The following MASTL variants were observed in gnomAD, a reference collection of about 807,000 sequenced individuals.
MASTL encodes the protein serine/threonine-protein kinase greatwall.
In MASTL, 54 loss-of-function variants were observed where a neutral mutation model predicts 82.5. The observed-to-expected ratio is 0.65, with a 90% confidence interval of 0.53 to 0.82. MASTL has a LOEUF of 0.82. Among genes scored for constraint, MASTL ranks in the 40% least tolerant of loss-of-function variants. The pLI, the probability that MASTL is intolerant of heterozygous loss-of-function variation, is 0.00. For missense variants in MASTL, 950 were observed against 1,047.8 expected (o/e 0.91, Z 1.29); for synonymous variants, 323 against 368.9 (o/e 0.88, Z 1.43).
intron 7 of MASTL, among the ~76,000 whole-genome samples, chr10:27,169,041 GA>G (rs909770342): frequency 2.6e-5 from 4 of 151,056 alleles, no homozygotes; most frequent in Non-Finnish European, 5.9e-5. Context: ...TTGGAATTCA[GA>G]AAAAAAAATC....
chr10:27,159,658 C>T lies in MASTL; in HGVS notation c.364C>T (p.Leu122=). ...YLIGGDVKSL[L]HIYGYFDEEM... ...TATTGGGGGAGATGTCAAGTCTCTC[C>T]TACATATATATGGTTATTTTGATGA... The change falls in exon 3 of 12, where the codon CTA becomes TTA. Residue 122 remains leucine (L), a synonymous_variant. Transcript: ENST00000375940. This position sits in a 1 kb window ranked among gnomAD's most constrained non-coding sequence, Gnocchi z 4.0. 2.5e-6 allele frequency: 4 copies of T among 1,569,054 alleles called. No homozygotes were observed. The highest frequency in any genetic ancestry group is 2.6e-6 in the Non-Finnish European group (3 of 1,139,248).
rs1209307742 is a variant in MASTL at position 27,170,470 on chromosome 10, C to T, written c.1511C>T (p.Ala504Val). The T allele has an allele frequency of 6.2e-7, 1 of 1,614,014 alleles. No individual in the cohort carries two copies. The highest frequency in any genetic ancestry group is 8.5e-7 in the Non-Finnish European group (1 of 1,179,980). Reference sequence around the variant, plus strand: ...CACAAAAGTCAACAAAATGACTGTGCTAATAAGGAGAACATTGTCAATTCT... The same window carrying T: ...CACAAAAGTCAACAAAATGACTGTGTTAATAAGGAGAACATTGTCAATTCT... ...SVHKSQQNDC[A>V]NKENIVNSFT... The change falls in exon 8 of 12, where the codon GCT becomes GTT. Residue 504 changes from alanine to valine, a missense_variant. By Grantham distance (64) the Ala-to-Val change is moderately conservative (BLOSUM62 0). Transcript: ENST00000375940.
intron 4 of MASTL, 57 bp downstream of exon 4, chr10:27,161,239 G>T: frequency 2.0e-6 from 2 of 997,988 alleles, no homozygotes; most frequent in Non-Finnish European, 3.2e-6. Flanking sequence ...CAGGCGTGGT[G>T]GCTCACACCT....
upstream of MASTL, chr10:27,155,279 G>C (rs1024417025): frequency 2.4e-5 from 18 of 754,164 alleles, no homozygotes; most frequent in Admixed American, 8.1e-5. Flanking sequence ...CCGCGTCTGC[G>C]TAGGGGAGGT....
Position 27,159,637 on chromosome 10 carries a change from G to C in MASTL, c.343G>C (p.Gly115Arg), listed in dbSNP as rs766608013. 6.5e-7 allele frequency: 1 copy of C among 1,530,070 alleles called. No individual in the cohort carries two copies. Among genetic ancestry groups the C allele is most frequent in the South Asian group, 1.1e-5 (1 of 89,126 alleles). The allele number at this position is 1,530,070 out of a possible 1,614,324, so 94.8% of individuals were successfully genotyped here. A position where few individuals can be genotyped will look rare whatever the true frequency, so the allele number is the denominator to read the frequency against. The stretch of plus-strand genomic sequence containing the variant: ...TTGAAAGGTAATGGAATATCTTATT[G>C]GGGGAGATGTCAAGTCTCTCCTACA... ...NVYLVMEYLI[G>R]GDVKSLLHIY... The change falls in exon 3 of 12, where the codon GGG becomes CGG. Residue 115 changes from glycine (G) to arginine (R), a missense_variant. Transcript: ENST00000375940. This position sits in a 1 kb window ranked among gnomAD's most constrained non-coding sequence, Gnocchi z 4.0.
Position 27,169,970 on chromosome 10 carries a change from AATG to A in MASTL, c.1016_1018del (p.Met339del). Reference sequence around the variant, plus strand: ...AAAGTGATGAAGCATTGGGCCCAACAATGATGAGTTGGAATGCAGTTGAAAAGT... The same window carrying A: ...AAAGTGATGAAGCATTGGGCCCAACAATGAGTTGGAATGCAGTTGAAAAGT... On this transcript the variant is annotated inframe_deletion, in exon 8 of 12. Transcript: ENST00000375940. 1 of 1,614,134 alleles carries A rather than the reference AATG, an allele frequency of 6.2e-7. No individual in the cohort carries two copies. Among genetic ancestry groups the A allele is most frequent in the Non-Finnish European group, 8.5e-7 (1 of 1,180,016 alleles).
chr10:27,181,601 C>A lies in MASTL; in HGVS notation c.2482+20C>A. The A allele has an allele frequency of 6.5e-7, 1 of 1,531,642 alleles. No individual in the cohort carries two copies. Among genetic ancestry groups the A allele is most frequent in the Non-Finnish European group, 9.0e-7 (1 of 1,107,088 alleles). 94.9% of individuals were successfully genotyped at this position (1,531,642 alleles called of 1,614,324 possible). On this transcript the variant is annotated intron_variant, in intron 11 of 11. Transcript: ENST00000375940. ...TGAAAGGTATGGTTTTGTGTTAATACATTGTTTTACCATTGATTTTTTGCA... is the reference window on the plus strand; with the variant it reads ...TGAAAGGTATGGTTTTGTGTTAATAAATTGTTTTACCATTGATTTTTTGCA...
At chr10:27,155,727 T>TCAGCAAGCCAG in intron 1 of MASTL, 115 bp downstream of exon 1, 1 of 1,177,056 alleles carries the variant, frequency 8.5e-7, no homozygotes, top group Non-Finnish European at 1.2e-6. Context: ...TGGCCTGGCT[T>TCAGCAAGCCAG]GCTGAAGCCT....
At chr10:27,161,001 G>T in intron 3 of MASTL, 93 bp from the exon 4 acceptor site, 1 of 833,670 alleles carries the variant, frequency 1.2e-6, no homozygotes, top group South Asian at 1.4e-5. Flanking sequence ...AATAAATAGG[G>T]TTTGCCTCCT....
At position 27,187,480 on chromosome 10, in the gene MASTL, G is replaced by A. The variant is rs1054651354; in HGVS notation, c.*944G>A. ...TAAAATGGTACTGGAGGACGGGTGC[G>A]ATGGCTCATGCCTGTAATCCCGGCA... On this transcript the variant is annotated 3_prime_UTR_variant, in exon 12 of 12. Transcript: ENST00000375940. Among the ~76,000 whole-genome samples the A allele has an allele frequency of 6.6e-6, 1 of 152,080 alleles. No individual in the cohort carries two copies. The highest frequency in any genetic ancestry group is 1.5e-5 in the Non-Finnish European group (1 of 68,004).
rs1470478197 is a variant in MASTL at position 27,155,585 on chromosome 10, G to C, written c.159G>C (p.Gln53His). Residue 53 changes from glutamine (Q) to histidine (H), a missense_variant, in exon 1 of 12, where the codon CAG becomes CAC. Physicochemically the swap from Gln to His is conservative, Grantham distance 24 (BLOSUM62 0). Coordinates refer to ENST00000375940, the MANE Select transcript of MASTL (RefSeq NM_001172303.3). ...CCTTCGGGAAAGTGTATCTGGGGCA[G>C]AAAGGCGGCAAATTGTATGCAGTAA... ...RGAFGKVYLG[Q>H]KGGKLYAVKV... 1 of 1,614,244 alleles carries C rather than the reference G, an allele frequency of 6.2e-7. No individual in the cohort carries two copies.
At chr10:27,186,168 C>T (rs1280382470) in intron 11 of MASTL, among the ~76,000 whole-genome samples, 5 of 152,168 alleles carry the variant, frequency 3.3e-5, no homozygotes, top group Admixed American at 1.3e-4. Context: ...ACAAACCAGG[C>T]ACCTGTCATA....
At chr10:27,160,567 A>T (rs902659724) in intron 3 of MASTL, among the ~76,000 whole-genome samples, 1 of 151,812 alleles carries the variant, frequency 6.6e-6, no homozygotes, top group Non-Finnish European at 1.5e-5. Context: ...AGTGGACAAC[A>T]TGGTGAAACC....
chr10:27,166,747 G>C (rs1378613911), intron 6 of MASTL, among the ~76,000 whole-genome samples: 1 of 152,140 alleles, frequency 6.6e-6, no homozygotes. Flanking sequence ...GATGACAGAG[G>C]GAGATCCTGC....
In MASTL at chr10:27,170,697, G is replaced by C. The variant is rs1209153448; in HGVS notation, c.1738G>C (p.Glu580Gln). The change falls in exon 8 of 12, where the codon GAA (glutamate) becomes CAA (glutamine). Residue 580 changes from glutamate (E) to glutamine (Q), a missense_variant. Glu to Gln is a conservative substitution (Grantham distance 29). Transcript: ENST00000375940. ...DSSFPGISIM[E>Q]SPLESQPLDS... The stretch of plus-strand genomic sequence containing the variant: ...ATCTTTTCCTGGAATTTCTATAATG[G>C]AAAGTCCATTAGAAAGTCAGCCCTT... 1 of 1,612,998 alleles carries C rather than the reference G, an allele frequency of 6.2e-7. No homozygotes were observed. The highest frequency in any genetic ancestry group is 8.5e-7 in the Non-Finnish European group (1 of 1,179,780).
Position 27,165,055 on chromosome 10 carries a change from C to T in MASTL, c.554-9C>T. On this transcript the variant is annotated splice_polypyrimidine_tract_variant and intron_variant, in intron 4 of 11. Transcript: ENST00000375940. ...AAATACATTTATATACTTTTCTTTG[C>T]ATACATAGATATTAATATGATGGAT... 1 of 1,484,496 alleles carries T rather than the reference C, an allele frequency of 6.7e-7. No individual in the cohort carries two copies. 92.0% of individuals were successfully genotyped at this position (1,484,496 alleles called of 1,614,324 possible). A position where few individuals can be genotyped will look rare whatever the true frequency, so the allele number is the denominator to read the frequency against.
chr10:27,163,004 C>T (rs1474060655), intron 4 of MASTL, among the ~76,000 whole-genome samples: 1 of 151,956 alleles, frequency 6.6e-6, no homozygotes, highest in Non-Finnish European at 1.5e-5. Flanking sequence ...ACAACATCCA[C>T]CTCCCGGGTT....
chr10:27,166,886 T>A (rs528143175), intron 6 of MASTL, among the ~76,000 whole-genome samples: 27 of 152,338 alleles, frequency 1.8e-4, no homozygotes, highest in African/African-American at 6.3e-4. Context: ...TATGTTTAGA[T>A]ATATTAATAG....
chr10:27,156,097 C>CG (rs2057362798), intron 1 of MASTL, among the ~76,000 whole-genome samples: 1 of 152,050 alleles, frequency 6.6e-6, no homozygotes, highest in South Asian at 2.1e-4. Flanking sequence ...CTCCGCCCCC[C>CG]GGGTTCACGC....
Sources: gnomAD v4.1 joint callset for allele counts (sites outside exome capture counted in the v4.1 genomes callset) on GRCh38, gnomAD v4.1.1 for gene constraint, Gnocchi (gnomAD v3.1) non-coding constraint, MANE v1.5 for transcripts, NCBI Gene and HGNC (gene_info 2026-07-23, HGNC 2026-07-21) for gene names.